SAMD4A: variants seen among roughly 807,000 people sequenced by gnomAD.
SAMD4A encodes the protein protein Smaug homolog 1.
A neutral mutation model predicts 81.3 loss-of-function variants in SAMD4A; 33 were observed. The ratio of observed to expected loss-of-function variants is 0.41; its 90% confidence interval spans 0.31 to 0.54. The LOEUF (loss-of-function observed/expected upper bound fraction) is 0.54. SAMD4A is among the 20% of genes least tolerant of loss of function. SAMD4A has a pLI of 0.37. For synonymous variants in SAMD4A, 389 were observed against 382.1 expected (o/e 1.02, Z -0.21); for missense variants, 854 against 951.1 (o/e 0.90, Z 1.34).
intron 2 of SAMD4A, among the ~76,000 whole-genome samples, chr14:54,595,631 A>C (rs1184546494): frequency 6.6e-6 from 1 of 152,072 alleles, no homozygotes; most frequent in Non-Finnish European, 1.5e-5. Flanking sequence ...CGATACTTAG[A>C]TATTTAGATA....
At chr14:54,788,323 C>T (rs1034352117) in intron 12 of SAMD4A, among the ~76,000 whole-genome samples, 11 of 152,136 alleles carry the variant, frequency 7.2e-5, no homozygotes, top group African/African-American at 2.7e-4. Flanking sequence ...TAGACAGGTC[C>T]ACCTGCGTGT....
intron 2 of SAMD4A, among the ~76,000 whole-genome samples, chr14:54,578,497 G>A (rs935507466): frequency 1.3e-5 from 2 of 152,026 alleles, no homozygotes; most frequent in African/African-American, 4.8e-5. Flanking sequence ...GATCACTTGA[G>A]GTCAGGAGTT....
At chr14:54,642,406 G>A (rs2035195268) in intron 2 of SAMD4A, among the ~76,000 whole-genome samples, 1 of 152,178 alleles carries the variant, frequency 6.6e-6, no homozygotes, top group Non-Finnish European at 1.5e-5. Context: ...GTGGAAGCTG[G>A]TGTTACAAAC....
At chr14:54,711,752 CAT>C (rs112976721) in intron 3 of SAMD4A, among the ~76,000 whole-genome samples, 6 of 152,030 alleles carry the variant, frequency 3.9e-5, no homozygotes, top group African/African-American at 1.2e-4. Flanking sequence ...TGCTAGGCCT[CAT>C]AGAGCCAACA....
In SAMD4A at chr14:54,684,617, C is replaced by G. The variant is rs11622827; in HGVS notation, c.197-17445C>G. Among the ~76,000 whole-genome samples the G allele has an allele frequency of 1.2e-4, 16 of 134,394 alleles. No homozygotes were observed. The East Asian group carries it at 3.6e-3, about 30-fold the overall frequency. 88.2% of individuals were successfully genotyped at this position (134,394 alleles called of 152,430 possible). On this transcript the variant is annotated intron_variant, in intron 2 of 12. Transcript: ENST00000554335. ...TCCATTGGCCAGACACCCCCGCCCC[C>G]CCCCCCAACCAGAAACGGGAAACCT...
chr14:54,782,368 T>A (rs1290146705), intron 11 of SAMD4A, among the ~76,000 whole-genome samples: 1 of 152,134 alleles, frequency 6.6e-6, no homozygotes, highest in African/African-American at 2.4e-5. Flanking sequence ...TCGCTATATA[T>A]AAAATTGTGT....
intron 2 of SAMD4A, among the ~76,000 whole-genome samples, chr14:54,688,518 C>T (rs913058564): frequency 6.6e-6 from 1 of 152,214 alleles, no homozygotes; most frequent in African/African-American, 2.4e-5. Flanking sequence ...TGGCACTCTT[C>T]AAACCCAAAC....
chr14:54,567,511 G>T lies in SAMD4A; in HGVS notation c.-406G>T, dbSNP rs1397669409. 4.9e-6 allele frequency: 1 copy of T among 206,092 alleles called. No individual in the cohort carries two copies. The highest frequency in any genetic ancestry group is 9.8e-6 in the Non-Finnish European group (1 of 102,414). The allele number at this position is 206,092 out of a possible 1,614,324, so 12.8% of individuals were successfully genotyped here. On this transcript the variant is annotated 5_prime_UTR_variant, in exon 2 of 13. Transcript: ENST00000554335. ...CTCCTTCCAGTGGTGATCGCCGCTC[G>T]GGAATGCGGGCGTGAAGGGTCCGAG... is the stretch of plus-strand genomic sequence containing the variant.
At position 54,582,276 on chromosome 14, in the gene SAMD4A, A is replaced by G. The variant is rs149384865; in HGVS notation, c.196+14164A>G. The stretch of plus-strand genomic sequence containing the variant: ...TTTTTTAATTTTATTTTTTATTTTT[A>G]AAGACTTTCCTACCTTCTCATTGAG... On this transcript the variant is annotated intron_variant, in intron 2 of 12. Coordinates refer to ENST00000554335, the MANE Select transcript of SAMD4A (RefSeq NM_015589.6). Among the ~76,000 whole-genome samples the G allele has an allele frequency of 4.8e-3, 734 of 152,042 alleles. 8 individuals are homozygous for G. Among genetic ancestry groups the G allele is most frequent in the Middle Eastern group, 0.014 (4 of 294 alleles).
At chr14:54,783,167 A>AC (rs977047498) in intron 11 of SAMD4A, among the ~76,000 whole-genome samples, 14 of 152,032 alleles carry the variant, frequency 9.2e-5, no homozygotes, top group Admixed American at 6.5e-4. Context: ...TAAAAAAAAA[A>AC]AAAAAAACAA....
chr14:54,597,104 CT>C (rs112337566), intron 2 of SAMD4A, among the ~76,000 whole-genome samples: 4,534 of 136,278 alleles, frequency 0.033, 160 homozygotes, highest in African/African-American at 0.1. Flanking sequence ...ATCTGAGTTT[CT>C]TTTTTTTTTT....
chr14:54,783,408 C>G (rs1224479361), intron 11 of SAMD4A, among the ~76,000 whole-genome samples: 1 of 152,210 alleles, frequency 6.6e-6, no homozygotes, highest in East Asian at 1.9e-4. Context: ...AGGGCTCCAG[C>G]AGGTGAGAGG....
intron 4 of SAMD4A, among the ~76,000 whole-genome samples, chr14:54,747,547 A>G (rs2037997590): frequency 1.3e-5 from 2 of 152,250 alleles, no homozygotes; most frequent in Admixed American, 1.3e-4. Context: ...CTCAGAATAA[A>G]GCATTTAGCA....
intron 2 of SAMD4A, among the ~76,000 whole-genome samples, chr14:54,671,896 G>T (rs2035888317): frequency 6.6e-6 from 1 of 152,068 alleles, no homozygotes; most frequent in African/African-American, 2.4e-5. Flanking sequence ...AGAAGGGGTG[G>T]TGCTGCAGAG....
In SAMD4A at chr14:54,707,102, C is replaced by CTT. The variant is rs11412662; in HGVS notation, c.715+4540_715+4541dup. Among the ~76,000 whole-genome samples, 487 of 130,418 alleles carry CTT rather than the reference C, an allele frequency of 3.7e-3. 3 individuals carry two copies. The highest frequency in any genetic ancestry group is 7.9e-3 in the East Asian group (35 of 4,416). The allele number at this position is 130,418 out of a possible 152,430, so 85.6% of individuals were successfully genotyped here. A position where few individuals can be genotyped will look rare whatever the true frequency, so the allele number is the denominator to read the frequency against. On this transcript the variant is annotated intron_variant, in intron 3 of 12. Transcript: ENST00000554335. ...GGGATTCAGTATTGATATGGACATA[C>CTT]TTTTTTTTTTTTTTTTTTTGAGACA...
Position 54,791,875 on chromosome 14 carries a change from C to T in SAMD4A, c.*2931C>T, listed in dbSNP as rs185915258. On this transcript the variant is annotated 3_prime_UTR_variant, in exon 13 of 13. Transcript: ENST00000554335. ...CTTTTTTTGTATTTACCCATTGACCCCCACCAAATGCAACTGTTTTATATT... is the reference window on the plus strand; with the variant it reads ...CTTTTTTTGTATTTACCCATTGACCTCCACCAAATGCAACTGTTTTATATT... 1 of 152,196 alleles carries T rather than the reference C, an allele frequency of 6.6e-6. No individual in the cohort carries two copies. Among genetic ancestry groups the T allele is most frequent in the East Asian group, 1.9e-4 (1 of 5,188 alleles). The allele number at this position is 152,196 out of a possible 1,614,324, so 9.4% of individuals were successfully genotyped here.
At chr14:54,745,524 G>C (rs10144855) in intron 4 of SAMD4A, among the ~76,000 whole-genome samples, 39,388 of 152,036 alleles carry the variant, frequency 0.26, 5,324 homozygotes, top group South Asian at 0.33. Context: ...TGTATACTCA[G>C]CGCTTGTCCT....
intron 2 of SAMD4A, among the ~76,000 whole-genome samples, chr14:54,697,656 T>C (rs1566590887): frequency 1.3e-5 from 2 of 152,204 alleles, no homozygotes; most frequent in Admixed American, 1.3e-4. Context: ...TGGCTAAAAC[T>C]TCCTTTTACC....
Position 54,776,546 on chromosome 14 carries a change from G to T in SAMD4A, c.2044+6G>T. ...GCTGATGTTCCAGCAGCCAGGTAGG[G>T]CCCGGCGCTTCATGTCCCCTTGACA... On this transcript the variant is annotated splice_donor_region_variant and intron_variant, in intron 11 of 12. Coordinates refer to ENST00000554335, the MANE Select transcript of SAMD4A (RefSeq NM_015589.6). 6.4e-7 allele frequency: 1 copy of T among 1,556,436 alleles called. No homozygotes were observed.
Sources: allele counts gnomAD v4.1 joint callset (sites outside exome capture counted in the v4.1 genomes callset), GRCh38; gene constraint gnomAD v4.1.1; transcripts MANE v1.5; gene names NCBI Gene and HGNC (gene_info 2026-07-23, HGNC 2026-07-21).